Variants in ARHGAP24 observed in about 807,000 individuals in gnomAD.
ARHGAP24 encodes the protein rho GTPase-activating protein 24.
In ARHGAP24, 50 loss-of-function variants were observed where a neutral mutation model predicts 76.4. The ratio of observed to expected loss-of-function variants is 0.65; its 90% CI spans 0.52 to 0.83. ARHGAP24 has a LOEUF of 0.83. Ranked by LOEUF, ARHGAP24 falls within the 40% of genes least tolerant of loss-of-function variation. The probability of loss-of-function intolerance (pLI) is 0.00; values close to 1 mark genes in which losing one functional copy is unlikely to be tolerated. For missense variants in ARHGAP24, 930 were observed against 914.2 expected, an observed-to-expected ratio of 1.02 and a Z score of -0.22; for synonymous variants, 345 against 323.3, an observed-to-expected ratio of 1.07 and a Z score of -0.72.
chr4:85,708,171 G>A (rs947132104), intron 2 of ARHGAP24, among the ~76,000 whole-genome samples: 7 of 152,014 alleles, frequency 4.6e-5, no homozygotes, highest in African/African-American at 1.4e-4. Context: ...AGTAATATAT[G>A]TATATTTGTG....
At chr4:85,752,367 A>G (rs1278231305) in intron 3 of ARHGAP24, among the ~76,000 whole-genome samples, 1 of 152,148 alleles carries the variant, frequency 6.6e-6, no homozygotes, top group African/African-American at 2.4e-5. Context: ...CACTCAGAAC[A>G]TGTCACCAGA....
At chr4:85,667,366 GA>G (rs1722668818) in intron 2 of ARHGAP24, among the ~76,000 whole-genome samples, 2 of 152,330 alleles carry the variant, frequency 1.3e-5, no homozygotes, top group African/African-American at 2.4e-5. Context: ...GCAGTATTAG[GA>G]TGGGAGTGAC....
chr4:85,983,224 T>C (rs2148861816), intron 8 of ARHGAP24, among the ~76,000 whole-genome samples: 1 of 152,332 alleles, frequency 6.6e-6, no homozygotes, highest in Admixed American at 6.5e-5. Flanking sequence ...TGAATATTGC[T>C]GCAGTGAACA....
At chr4:85,956,594 G>A (rs2148837213) in intron 5 of ARHGAP24, among the ~76,000 whole-genome samples, 1 of 151,808 alleles carries the variant, frequency 6.6e-6, no homozygotes, top group Non-Finnish European at 1.5e-5. Flanking sequence ...AGAAGCCGTG[G>A]GTCATAGCTC....
intron 2 of ARHGAP24, among the ~76,000 whole-genome samples, chr4:85,654,944 G>A (rs1430974813): frequency 6.6e-6 from 1 of 152,192 alleles, no homozygotes; most frequent in Non-Finnish European, 1.5e-5. Context: ...AAAGTAAGTA[G>A]TGATTAAATT....
intron 3 of ARHGAP24, among the ~76,000 whole-genome samples, chr4:85,909,930 C>A (rs538646187): frequency 1.3e-5 from 2 of 152,312 alleles, no homozygotes; most frequent in African/African-American, 4.8e-5. Flanking sequence ...TGGGCTTTTT[C>A]CTCCTACTTG....
intron 2 of ARHGAP24, among the ~76,000 whole-genome samples, chr4:85,595,188 G>A (rs544759592): frequency 6.6e-6 from 1 of 152,182 alleles, no homozygotes; most frequent in South Asian, 2.1e-4. Flanking sequence ...AACATGGTAA[G>A]AGAACAACCT....
At chr4:85,587,189 C>A (rs961038860) in intron 2 of ARHGAP24, among the ~76,000 whole-genome samples, 1 of 152,128 alleles carries the variant, frequency 6.6e-6, no homozygotes, top group Non-Finnish European at 1.5e-5. Context: ...TTTAGTTTGT[C>A]TTTCTAATCA....
chr4:85,909,669 T>G (rs1560711500), intron 3 of ARHGAP24, among the ~76,000 whole-genome samples: 1 of 152,188 alleles, frequency 6.6e-6, no homozygotes, highest in East Asian at 1.9e-4. Context: ...CTAGGTTGAA[T>G]TGACTTGTGG....
At chr4:85,529,698 T>G (rs923633456) in intron 1 of ARHGAP24, among the ~76,000 whole-genome samples, 2 of 151,994 alleles carry the variant, frequency 1.3e-5, no homozygotes, top group African/African-American at 2.4e-5. Context: ...TATTGCCAAA[T>G]GTCCTCTGTG....
Position 85,675,817 on chromosome 4 carries a change from G to A in ARHGAP24, c.181-46068G>A, listed in dbSNP as rs922290624. Among the ~76,000 whole-genome samples the A allele has an allele frequency of 1.3e-4, 20 of 152,174 alleles. 1 individual carries two copies. Among genetic ancestry groups the A allele is most frequent in the African/African-American group, 4.6e-4 (19 of 41,512 alleles). ...GTTTGAACATTCCTCTGATGTTTAT[G>A]TGCTCCTATCCACTCAAAGTCATCA... On this transcript the variant is annotated intron_variant, in intron 2 of 9. Coordinates refer to ENST00000395184, the MANE Select transcript of ARHGAP24 (RefSeq NM_001025616.3).
At chr4:85,874,209 A>G (rs2601864) in intron 3 of ARHGAP24, among the ~76,000 whole-genome samples, 57,873 of 152,028 alleles carry the variant, frequency 0.38, 11,527 homozygotes, top group African/African-American at 0.47. Flanking sequence ...TAGCATAACC[A>G]TCAGTCAGTC....
At chr4:85,898,051 A>G (rs1267366796) in intron 3 of ARHGAP24, among the ~76,000 whole-genome samples, 1 of 145,420 alleles carries the variant, frequency 6.9e-6, no homozygotes, top group Admixed American at 6.9e-5. Context: ...ATATATATAT[A>G]TATATATAAT....
At chr4:85,613,953 T>TGAGGAGATATCCATTTGGG (rs1205065219) in intron 2 of ARHGAP24, among the ~76,000 whole-genome samples, 5 of 152,150 alleles carry the variant, frequency 3.3e-5, no homozygotes, top group Admixed American at 2.6e-4. Flanking sequence ...TGTGAGAAAT[T>TGAGGAGATATCCATTTGGG]GAGGAGATAT....
At chr4:85,994,484 T>C (rs1353713989) in intron 8 of ARHGAP24, 99 bp from the exon 9 acceptor site, 2 of 1,166,162 alleles carry the variant, frequency 1.7e-6, no homozygotes, top group Non-Finnish European at 2.6e-6. Context: ...ATAATAATAA[T>C]GAATGTTCTC....
At chr4:85,984,011 A>G (rs1199279564) in intron 8 of ARHGAP24, among the ~76,000 whole-genome samples, 1 of 152,250 alleles carries the variant, frequency 6.6e-6, no homozygotes, top group African/African-American at 2.4e-5. Context: ...TGCGAATGCA[A>G]AGATGCATAA....
At chr4:85,735,533 A>G (rs529567167) in intron 3 of ARHGAP24, among the ~76,000 whole-genome samples, 1 of 152,256 alleles carries the variant, frequency 6.6e-6, no homozygotes, top group East Asian at 1.9e-4. Flanking sequence ...TTTTCTGGGT[A>G]CACATTCTTC....
In ARHGAP24 at chr4:85,875,050, A is replaced by ATAATATATTATATTTATATG. The variant is rs1553937357; in HGVS notation, c.269-48589_269-48588insATATTTATATGTAATATATT. On this transcript the variant is annotated intron_variant, in intron 3 of 9. Coordinates refer to ENST00000395184, the MANE Select transcript of ARHGAP24 (RefSeq NM_001025616.3). ...TTTATATATACTATATTATTTATAT[A>ATAATATATTATATTTATATG]TAATATATTTGTTTTATATATTATA... Among the ~76,000 whole-genome samples, 366 of 79,058 alleles carry ATAATATATTATATTTATATG rather than the reference A, an allele frequency of 4.6e-3. 38 individuals carry two copies. The highest frequency in any genetic ancestry group is 0.018 in the African/African-American group (334 of 18,454). The allele number at this position is 79,058 out of a possible 152,430, so 51.9% of individuals were successfully genotyped here. A position where few individuals can be genotyped will look rare whatever the true frequency, so the allele number is the denominator to read the frequency against.
At chr4:85,836,693 C>T (rs1730310430) in intron 3 of ARHGAP24, among the ~76,000 whole-genome samples, 5 of 152,176 alleles carry the variant, frequency 3.3e-5, no homozygotes, top group Admixed American at 3.3e-4. Context: ...CTAGCATTGG[C>T]TCAGAAGAAA....
Sources: allele counts gnomAD v4.1 joint callset (sites outside exome capture counted in the v4.1 genomes callset), GRCh38; gene constraint gnomAD v4.1.1; transcripts MANE v1.5; gene names NCBI Gene and HGNC (gene_info 2026-07-23, HGNC 2026-07-21).